The following FBLN7 variants were observed in gnomAD, a reference collection of about 807,000 sequenced individuals.
FBLN7 encodes fibulin 7, also known as fibulin-7.
A neutral mutation model predicts 44.0 loss-of-function variants in FBLN7; 31 were observed. The observed-to-expected ratio is 0.70, with a 90% CI of 0.53 to 0.95. The LOEUF (loss-of-function observed/expected upper bound fraction) is 0.95. FBLN7 is among the 40% of genes least tolerant of loss of function. The pLI is 0.00. For missense variants in FBLN7, 573 were observed against 618.5 expected, an observed-to-expected ratio of 0.93 and a Z score of 0.78; for synonymous variants, 262 against 253.4, an observed-to-expected ratio of 1.03 and a Z score of -0.32.
chr2:112,176,050 C>A, intron 4 of FBLN7: 1 of 447,924 alleles, frequency 2.2e-6, no homozygotes, highest in South Asian at 6.2e-5. Flanking sequence ...AGAGTTTTGA[C>A]CCTTCTTATA....
intron 1 of FBLN7, among the ~76,000 whole-genome samples, chr2:112,148,867 C>T (rs564094051): frequency 6.6e-6 from 1 of 152,318 alleles, no homozygotes; most frequent in African/African-American, 2.4e-5. Context: ...CCACTGCATC[C>T]TGTTGGCCAA....
the FBLN7 span, among the ~76,000 whole-genome samples, chr2:112,200,538 GTTTTA>G: frequency 2.0e-5 from 3 of 152,034 alleles, no homozygotes; most frequent in South Asian, 4.2e-4. Flanking sequence ...TTTGTTTTTT[GTTTTA>G]TTTTGTTTTT....
In FBLN7 at chr2:112,182,568, T is replaced by C. The variant is rs1471893110; in HGVS notation, c.671-223T>C. Reference sequence around the variant, plus strand: ...GCCTAGCACTTCAGCTCCCTCTCACTCCTCCTTTTAGCCCTCTGGGCCCTC... The same window carrying C: ...GCCTAGCACTTCAGCTCCCTCTCACCCCTCCTTTTAGCCCTCTGGGCCCTC... On this transcript the variant is annotated intron_variant, in intron 5 of 7. Coordinates refer to ENST00000331203, the MANE Select transcript of FBLN7 (RefSeq NM_153214.3). Among the ~76,000 whole-genome samples the C allele has an allele frequency of 6.5e-5, 7 of 108,210 alleles. No individual in the cohort carries two copies. The East Asian group carries it at 2.5e-3, about 39-fold the overall frequency. The allele number at this position is 108,210 out of a possible 152,430, so 71.0% of individuals were successfully genotyped here. A position where few individuals can be genotyped will look rare whatever the true frequency, so the allele number is the denominator to read the frequency against.
chr2:112,159,600 A>G, intron 1 of FBLN7, 76 bp from the exon 2 acceptor site: 2 of 1,417,552 alleles, frequency 1.4e-6, no homozygotes. Context: ...GGCTTCGGCG[A>G]TTTCGGAAGC....
At chr2:112,186,756 C>T (rs188551891) in intron 7 of FBLN7, among the ~76,000 whole-genome samples, 23 of 152,294 alleles carry the variant, frequency 1.5e-4, no homozygotes, top group South Asian at 6.2e-4. Flanking sequence ...CATTACTGGG[C>T]GAGGTCGCAG....
chr2:112,142,273 C>G (rs1680684849), intron 1 of FBLN7, among the ~76,000 whole-genome samples: 1 of 152,206 alleles, frequency 6.6e-6, no homozygotes, highest in Non-Finnish European at 1.5e-5. Context: ...AGAACTCTCT[C>G]TACTCTAAAC....
At chr2:112,203,388 G>T in the FBLN7 span, among the ~76,000 whole-genome samples, 23 of 152,258 alleles carry the variant, frequency 1.5e-4, no homozygotes, top group South Asian at 4.8e-3. Context: ...ACTAAGCGCT[G>T]ACTTCAATAG....
chr2:112,231,725 C>A, the FBLN7 span: 1 of 506,316 alleles, frequency 2.0e-6, no homozygotes. Context: ...CCTAATATAT[C>A]CCATATGCTA....
chr2:112,187,835 G>C lies in FBLN7; in HGVS notation c.*329G>C. The C allele has an allele frequency of 2.2e-6, 1 of 456,508 alleles. No individual in the cohort carries two copies. Among genetic ancestry groups the C allele is most frequent in the Admixed American group, 3.9e-5 (1 of 25,750 alleles). The allele number at this position is 456,508 out of a possible 1,614,324, so 28.3% of individuals were successfully genotyped here. A position where few individuals can be genotyped will look rare whatever the true frequency, so the allele number is the denominator to read the frequency against. ...TGGCCTTGTGAGTTTGAACTAGCTG[G>C]GGAGAGAAAAGGTGGCAATGTGTGT... On this transcript the variant is annotated 3_prime_UTR_variant, in exon 8 of 8. Coordinates refer to ENST00000331203, the MANE Select transcript of FBLN7 (RefSeq NM_153214.3). The surrounding 1 kb of genome is among the most constrained non-coding windows in gnomAD (Gnocchi z 5.1).
At chr2:112,209,902 A>G in the FBLN7 span, among the ~76,000 whole-genome samples, 1 of 151,744 alleles carries the variant, frequency 6.6e-6, no homozygotes, top group Non-Finnish European at 1.5e-5. Flanking sequence ...GTGTTGGAGG[A>G]TGAGGGTGAA....
At chr2:112,192,226 T>G (rs1683514705), downstream of FBLN7, among the ~76,000 whole-genome samples, 3 of 152,254 alleles carry the variant, frequency 2.0e-5, no homozygotes, top group Non-Finnish European at 4.4e-5. Flanking sequence ...TTTGTATTTT[T>G]GCCTTTGTAT....
At chr2:112,196,431 G>A in the FBLN7 span, among the ~76,000 whole-genome samples, 4 of 140,500 alleles carry the variant, frequency 2.8e-5, no homozygotes, top group South Asian at 9.1e-4. Flanking sequence ...ACCCAGGCTG[G>A]AGTGCAGTGG....
At chr2:112,148,258 C>A (rs1216595154) in intron 1 of FBLN7, among the ~76,000 whole-genome samples, 1 of 152,146 alleles carries the variant, frequency 6.6e-6, no homozygotes, top group Non-Finnish European at 1.5e-5. Flanking sequence ...CACTCTAGAG[C>A]TTGGCATGAA....
rs1048641159 is a variant in FBLN7, at chr2:112,159,814, G to A, written c.214G>A (p.Val72Met). Residue 72 changes from valine (V) to methionine (M), a missense_variant, in exon 2 of 8, where the codon GTG (valine) becomes ATG (methionine). Transcript: ENST00000331203. ...LAALQNSVGR[V>M]GPDALPVSCP... Reference sequence around the variant, plus strand: ...CGCGCTGCAGAACTCTGTGGGCAGGGTGGGCCCAGATGCCCTTCCAGGTGG... The same window carrying A: ...CGCGCTGCAGAACTCTGTGGGCAGGATGGGCCCAGATGCCCTTCCAGGTGG... 1 of 1,568,558 alleles carries A rather than the reference G, an allele frequency of 6.4e-7. No individual in the cohort carries two copies. Among genetic ancestry groups the A allele is most frequent in the South Asian group, 1.2e-5 (1 of 86,028 alleles).
At chr2:112,161,303 G>A (rs552547203) in intron 2 of FBLN7, among the ~76,000 whole-genome samples, 4 of 152,164 alleles carry the variant, frequency 2.6e-5, no homozygotes, top group African/African-American at 9.7e-5. Context: ...TGGGGAAGGC[G>A]TTGGATTTCC....
At chr2:112,163,237 G>C (rs114054986) in intron 2 of FBLN7, among the ~76,000 whole-genome samples, 484 of 152,314 alleles carry the variant, frequency 3.2e-3, no homozygotes, top group Non-Finnish European at 5.2e-3. Flanking sequence ...CCTGCCAGCT[G>C]CACTCCTGGA....
the FBLN7 span, chr2:112,230,795 G>C: frequency 1.6e-6 from 1 of 636,462 alleles, no homozygotes; most frequent in Non-Finnish European, 2.3e-6. Flanking sequence ...TTTTAGTGGC[G>C]GAGGAAGAAG....
the FBLN7 span, among the ~76,000 whole-genome samples, chr2:112,209,730 C>G: frequency 1.8e-4 from 27 of 152,022 alleles, no homozygotes; most frequent in African/African-American, 6.3e-4. Flanking sequence ...ATGTAGGAAC[C>G]CTATATAGGG....
chr2:112,221,696 G>A, the FBLN7 span, among the ~76,000 whole-genome samples: 5 of 152,016 alleles, frequency 3.3e-5, no homozygotes, highest in Admixed American at 6.5e-5. Context: ...CTTCTAGTGT[G>A]TTCTTCAGCT....
Sources: allele counts gnomAD v4.1 joint callset (sites outside exome capture counted in the v4.1 genomes callset), GRCh38; gene constraint gnomAD v4.1.1; non-coding constraint Gnocchi (gnomAD v3.1); transcripts MANE v1.5; gene names NCBI Gene and HGNC (gene_info 2026-07-23, HGNC 2026-07-21).